Variants in EYS observed in about 807,000 individuals in gnomAD.
The protein encoded by EYS is protein eyes shut homolog.
Under a neutral mutation model 282.1 loss-of-function variants are expected in EYS, and 250 were observed. The ratio of observed to expected loss-of-function variants is 0.89; its 90% CI spans 0.80 to 0.98. EYS has a LOEUF of 0.98. Among genes scored for constraint, EYS ranks in the 50% least tolerant of loss-of-function variants. The probability of loss-of-function intolerance (pLI) is 0.00; values close to 1 mark genes in which losing one functional copy is unlikely to be tolerated. For synonymous variants in EYS, 1,355 were observed against 1,282.9 expected (o/e 1.06, Z -1.20); for missense variants, 4,016 against 3,709.0 (o/e 1.08, Z -2.15).
chr6:65,070,505 T>A (rs1773872160), intron 12 of EYS, among the ~76,000 whole-genome samples: 1 of 151,758 alleles, frequency 6.6e-6, no homozygotes, highest in South Asian at 2.1e-4. Flanking sequence ...CATTCTTACA[T>A]CTAGAGTTTT....
At chr6:64,898,037 A>T (rs1042929015) in intron 18 of EYS, among the ~76,000 whole-genome samples, 7 of 152,220 alleles carry the variant, frequency 4.6e-5, no homozygotes, top group African/African-American at 1.7e-4. Flanking sequence ...ACACTTCAGG[A>T]TATCATCTAG....
chr6:65,343,216 GT>G (rs1328013120), intron 10 of EYS, among the ~76,000 whole-genome samples: 2 of 151,158 alleles, frequency 1.3e-5, no homozygotes, highest in Non-Finnish European at 3.0e-5. Flanking sequence ...ACTTGTATCA[GT>G]TTTTACAAGG....
At chr6:65,088,367 A>G (rs1359517544) in intron 12 of EYS, among the ~76,000 whole-genome samples, 1 of 152,180 alleles carries the variant, frequency 6.6e-6, no homozygotes, top group Non-Finnish European at 1.5e-5. Flanking sequence ...GTTTTGACCA[A>G]AATGCTGATA....
Position 64,626,176 on chromosome 6 carries a change from T to C in EYS, c.3513A>G (p.Leu1171=). Residue 1171 remains leucine (L), a synonymous_variant, in exon 23 of 43, where the codon CTA becomes CTG. Coordinates refer to ENST00000503581, the MANE Select transcript of EYS (RefSeq NM_001142800.2). ...NINECSSSPC[L]HGADCEDHIN... ...TGTGATCTTCACAGTCTGCACCATG[T>C]AGACATGGTGATGAAGAGCATTCAT... 6.5e-7 allele frequency: 1 copy of C among 1,545,338 alleles called. No homozygotes were observed. The highest frequency in any genetic ancestry group is 8.7e-7 in the Non-Finnish European group (1 of 1,145,376).
At chr6:64,396,695 C>T (rs1773390407) in intron 28 of EYS, among the ~76,000 whole-genome samples, 1 of 152,084 alleles carries the variant, frequency 6.6e-6, no homozygotes, top group African/African-American at 2.4e-5. Flanking sequence ...CACTGTTCTG[C>T]AGTATCGCTT....
chr6:65,680,130 C>T (rs991678392), intron 1 of EYS, among the ~76,000 whole-genome samples: 3 of 147,860 alleles, frequency 2.0e-5, no homozygotes, highest in Non-Finnish European at 1.5e-5. Context: ...CAAATGTTCT[C>T]AATCAATATA....
At chr6:63,761,305 C>G (rs1769636006) in intron 41 of EYS, among the ~76,000 whole-genome samples, 1 of 151,894 alleles carries the variant, frequency 6.6e-6, no homozygotes, top group Non-Finnish European at 1.5e-5. Context: ...AGATTGATCC[C>G]TAATGTCACT....
chr6:64,592,826 CT>C (rs1766453676), intron 25 of EYS, among the ~76,000 whole-genome samples: 1 of 152,036 alleles, frequency 6.6e-6, no homozygotes, highest in South Asian at 2.1e-4. Flanking sequence ...GCACAAGGCC[CT>C]TTTAAAACAA....
intron 11 of EYS, among the ~76,000 whole-genome samples, chr6:65,298,489 T>C (rs2150288016): frequency 6.6e-6 from 1 of 152,082 alleles, no homozygotes; most frequent in South Asian, 2.1e-4. Context: ...TGTATTTTTA[T>C]ATTGACCACT....
At position 65,508,276 on chromosome 6, in the gene EYS, C is replaced by T. The variant is rs138382588; in HGVS notation, c.-332-12283G>A. On this transcript the variant is annotated intron_variant, in intron 2 of 42. Transcript: ENST00000503581. ...TGAGGCTCTGTTGGTTTGATGGTAA[C>T]GTATAAGAGAGGGAAATGATATAAT... 1.8e-4 allele frequency among the ~76,000 whole-genome samples: 28 copies of T among 152,118 alleles called. No homozygotes were observed. The East Asian group carries it at 3.5e-3, about 19-fold the overall frequency.
At chr6:64,138,574 A>G (rs891714551) in intron 31 of EYS, among the ~76,000 whole-genome samples, 1 of 152,182 alleles carries the variant, frequency 6.6e-6, no homozygotes, top group Non-Finnish European at 1.5e-5. Flanking sequence ...TTCTGTTTCA[A>G]TTGTGAATTC....
At chr6:65,366,095 C>A (rs9342468) in intron 8 of EYS, among the ~76,000 whole-genome samples, 29,695 of 151,598 alleles carry the variant, frequency 0.2, 3,809 homozygotes, top group Non-Finnish European at 0.27. Context: ...CTGTTCGGAC[C>A]CTTTTTCCTT....
chr6:65,063,759 C>T (rs929409615), intron 12 of EYS, among the ~76,000 whole-genome samples: 1 of 151,886 alleles, frequency 6.6e-6, no homozygotes, highest in African/African-American at 2.4e-5. Context: ...AAAAATGGCA[C>T]AAAGAGTTAT....
chr6:64,256,499 T>C (rs569554718), intron 30 of EYS, among the ~76,000 whole-genome samples: 137 of 152,170 alleles, frequency 9.0e-4, no homozygotes, highest in African/African-American at 3.3e-3. Context: ...GCAGCTCCTG[T>C]GGATTTGGCT....
intron 35 of EYS, among the ~76,000 whole-genome samples, chr6:63,959,161 A>C (rs1460154873): frequency 1.3e-5 from 2 of 152,234 alleles, no homozygotes; most frequent in African/African-American, 4.8e-5. Flanking sequence ...GACCTTAAAC[A>C]AATTTACAAG....
At chr6:64,722,104 G>T (rs917164480) in intron 22 of EYS, among the ~76,000 whole-genome samples, 3 of 152,130 alleles carry the variant, frequency 2.0e-5, no homozygotes, top group South Asian at 2.1e-4. Context: ...CTCAAAAGTT[G>T]AAGATTTCAG....
intron 15 of EYS, among the ~76,000 whole-genome samples, chr6:64,944,704 G>A (rs1434231505): frequency 2.6e-5 from 4 of 152,098 alleles, no homozygotes; most frequent in Non-Finnish European, 4.4e-5. Context: ...GATAGAGGAA[G>A]GCCACTGTCT....
chr6:64,182,125 C>A (rs1473091021), intron 31 of EYS, among the ~76,000 whole-genome samples: 2 of 152,022 alleles, frequency 1.3e-5, no homozygotes, highest in Non-Finnish European at 2.9e-5. Flanking sequence ...AATTGCTTTT[C>A]TTTAAAATGT....
chr6:64,089,506 T>G (rs1562194678), intron 31 of EYS, among the ~76,000 whole-genome samples: 2 of 149,716 alleles, frequency 1.3e-5, no homozygotes, highest in Non-Finnish European at 3.0e-5. Flanking sequence ...AATATAATAC[T>G]GTATATCCTA....
Sources: gnomAD v4.1 joint callset for allele counts (sites outside exome capture counted in the v4.1 genomes callset) on GRCh38, gnomAD v4.1.1 for gene constraint, MANE v1.5 for transcripts, NCBI Gene and HGNC (gene_info 2026-07-23, HGNC 2026-07-21) for gene names.